The following VMP1 variants were observed in gnomAD, a reference collection of about 807,000 sequenced individuals.
VMP1 encodes ectopic P-granules autophagy protein 3 homolog.
In VMP1, 11 loss-of-function variants were observed where a neutral mutation model predicts 56.0. The observed-to-expected ratio is 0.20, with a 90% confidence interval of 0.12 to 0.32. The LOEUF (loss-of-function observed/expected upper bound fraction) is 0.32, where lower values mean the gene tolerates loss of function less well. VMP1 is among the 10% of genes least tolerant of loss of function. The pLI, the probability that VMP1 is intolerant of heterozygous loss-of-function variation, is 1.00. For missense variants in VMP1, 296 were observed against 490.3 expected (o/e 0.60, Z 3.74); for synonymous variants, 149 against 165.0 (o/e 0.90, Z 0.74).
At chr17:59,726,072 G>A (rs1180816662) in intron 1 of VMP1, among the ~76,000 whole-genome samples, 1 of 152,084 alleles carries the variant, frequency 6.6e-6, no homozygotes. Flanking sequence ...AAACCTTTTT[G>A]TGCCCTGTTT....
At chr17:59,730,172 T>A (rs1476240116) in intron 1 of VMP1, among the ~76,000 whole-genome samples, 1 of 152,230 alleles carries the variant, frequency 6.6e-6, no homozygotes. Flanking sequence ...ATTTGCTTTT[T>A]ATTACTGAGT....
chr17:59,810,196 C>A (rs922828396), intron 8 of VMP1, among the ~76,000 whole-genome samples: 1 of 152,092 alleles, frequency 6.6e-6, no homozygotes, highest in African/African-American at 2.4e-5. Context: ...CTCTGTCACC[C>A]AGGCTGGAGT....
At chr17:59,820,492 T>C (rs1598440652) in intron 10 of VMP1, among the ~76,000 whole-genome samples, 1 of 152,204 alleles carries the variant, frequency 6.6e-6, no homozygotes, top group East Asian at 1.9e-4. Flanking sequence ...ACCACCCTCA[T>C]TGAGAATCAC....
chr17:59,771,365 G>A (rs559790005), intron 6 of VMP1, among the ~76,000 whole-genome samples: 98 of 151,970 alleles, frequency 6.4e-4, no homozygotes, highest in African/African-American at 2.3e-3. Context: ...GGGTTTTGCT[G>A]TGTTGCCCAG....
chr17:59,707,791 C>G (rs1348547268), intron 1 of VMP1, 43 bp downstream of exon 1: 2 of 152,280 alleles, frequency 1.3e-5, no homozygotes, highest in Non-Finnish European at 2.9e-5. Flanking sequence ...AAGCCTGAGG[C>G]TGTCCTCAGA....
intron 7 of VMP1, among the ~76,000 whole-genome samples, chr17:59,783,222 T>C (rs2036890093): frequency 6.6e-6 from 1 of 152,144 alleles, no homozygotes; most frequent in African/African-American, 2.4e-5. Flanking sequence ...ATTGTTGTTA[T>C]GAAACAATTT....
At position 59,841,769 on chromosome 17, in the gene VMP1, G is replaced by A. The variant is rs541392445; in HGVS notation, c.*1858G>A. Reference sequence around the variant, plus strand: ...ATCTCTTTCACCTGCATTTTATTTGGTGTTTGTCTGAAGAAAGGAAAGAGG... The same window carrying A: ...ATCTCTTTCACCTGCATTTTATTTGATGTTTGTCTGAAGAAAGGAAAGAGG... On this transcript the variant is annotated 3_prime_UTR_variant, in exon 12 of 12. Coordinates refer to ENST00000262291, the MANE Select transcript of VMP1 (RefSeq NM_030938.5). The A allele has an allele frequency of 6.6e-6, 1 of 152,152 alleles. No homozygotes were observed. The highest frequency in any genetic ancestry group is 2.4e-5 in the African/African-American group (1 of 41,456). The allele number at this position is 152,152 out of a possible 1,614,324, so 9.4% of individuals were successfully genotyped here.
rs369561688 is a variant in VMP1, at chr17:59,783,365, A to G, written c.714+9480A>G. ...ATACCTGCTGTATTTTTGTGAGTAC[A>G]ATGTTGAGATTAGGCAGTATTTTTC... On this transcript the variant is annotated intron_variant, in intron 7 of 11. Coordinates refer to ENST00000262291, the MANE Select transcript of VMP1 (RefSeq NM_030938.5). Among the ~76,000 whole-genome samples, 3 of 152,240 alleles carry G rather than the reference A, an allele frequency of 2.0e-5. 1 individual carries two copies. The highest frequency in any genetic ancestry group is 7.2e-5 in the African/African-American group (3 of 41,532).
chr17:59,805,946 G>A (rs2037829044), intron 7 of VMP1, among the ~76,000 whole-genome samples: 1 of 151,928 alleles, frequency 6.6e-6, no homozygotes, highest in African/African-American at 2.4e-5. Flanking sequence ...TCTTAAAAGT[G>A]GATTTGCTAT....
At chr17:59,820,606 G>C (rs749991364) in intron 10 of VMP1, among the ~76,000 whole-genome samples, 3 of 152,138 alleles carry the variant, frequency 2.0e-5, no homozygotes, top group East Asian at 3.9e-4. Flanking sequence ...TCACAGCAAC[G>C]TATACTACAT....
intron 5 of VMP1, among the ~76,000 whole-genome samples, chr17:59,752,667 G>A (rs891070362): frequency 6.6e-5 from 10 of 152,116 alleles, no homozygotes; most frequent in Non-Finnish European, 1.0e-4. Context: ...CCACTGGTAT[G>A]TTCAATTCCT....
chr17:59,762,089 G>A (rs1412680539), intron 5 of VMP1, among the ~76,000 whole-genome samples: 3 of 152,120 alleles, frequency 2.0e-5, no homozygotes, highest in Non-Finnish European at 4.4e-5. Context: ...GTAGTACAAT[G>A]TCTAAAAAGA....
intron 11 of VMP1, chr17:59,839,085 C>G (rs1403329842): frequency 2.6e-5 from 4 of 153,788 alleles, no homozygotes; most frequent in Admixed American, 6.5e-5. Context: ...ACCTCCGCCT[C>G]CCGGGTTCAA....
At chr17:59,772,947 A>ATTTTT (rs1488990377) in intron 6 of VMP1, among the ~76,000 whole-genome samples, 19 of 70,566 alleles carry the variant, frequency 2.7e-4, no homozygotes, top group African/African-American at 8.7e-4. Context: ...ATACTGGTGA[A>ATTTTT]TTCTTTTTTT....
At chr17:59,779,140 G>A (rs1048709876) in intron 7 of VMP1, among the ~76,000 whole-genome samples, 7 of 152,204 alleles carry the variant, frequency 4.6e-5, no homozygotes, top group African/African-American at 1.4e-4. Context: ...CACGTCACCC[G>A]TTGTAAGTCA....
intron 1 of VMP1, among the ~76,000 whole-genome samples, chr17:59,723,245 T>C (rs1435924900): frequency 1.3e-5 from 2 of 152,182 alleles, no homozygotes; most frequent in African/African-American, 4.8e-5. Context: ...GGCAACATCA[T>C]TTTGCCTTTG....
chr17:59,740,582 G>T (rs965451691), intron 5 of VMP1, among the ~76,000 whole-genome samples: 3 of 152,184 alleles, frequency 2.0e-5, no homozygotes, highest in African/African-American at 7.2e-5. Context: ...ATTTCTCCAA[G>T]TTTATGGGAG....
At chr17:59,836,480 G>C (rs2038985003) in intron 10 of VMP1, among the ~76,000 whole-genome samples, 1 of 152,082 alleles carries the variant, frequency 6.6e-6, no homozygotes. Context: ...TTACAAGCGT[G>C]AGCCACCACA....
At chr17:59,762,059 A>G (rs1369187985) in intron 5 of VMP1, among the ~76,000 whole-genome samples, 2 of 152,174 alleles carry the variant, frequency 1.3e-5, no homozygotes, top group African/African-American at 4.8e-5. Flanking sequence ...TCTCTTAGTA[A>G]TCAAAGCCCT....
Sources: gnomAD v4.1 joint callset for allele counts (sites outside exome capture counted in the v4.1 genomes callset) on GRCh38, gnomAD v4.1.1 for gene constraint, MANE v1.5 for transcripts, NCBI Gene and HGNC (gene_info 2026-07-23, HGNC 2026-07-21) for gene names.